Variants in CHD5 observed in about 807,000 individuals in gnomAD.
CHD5 encodes chromodomain helicase DNA binding protein 5.
Under a neutral mutation model 230.3 loss-of-function variants are expected in CHD5, and 69 were observed. That is an observed-to-expected ratio of 0.30 (90% CI 0.25 to 0.37). CHD5 has a LOEUF of 0.37. Ranked by LOEUF, CHD5 falls within the 10% of genes least tolerant of loss-of-function variation. The probability of loss-of-function intolerance (pLI) is 1.00; values close to 1 mark genes in which losing one functional copy is unlikely to be tolerated. For synonymous variants in CHD5, 1,064 were observed against 1,065.9 expected (o/e 1.00, Z 0.03); for missense variants, 1,827 against 2,622.8 (o/e 0.70, Z 6.63).
At chr1:6,124,779 T>G in intron 29 of CHD5, 118 bp from the exon 30 acceptor site, 2 of 729,800 alleles carry the variant, frequency 2.7e-6, no homozygotes, top group Non-Finnish European at 4.5e-6. Context: ...GCCCACCTCC[T>G]AGTCAGGCCT....
chr1:6,126,733 C>T lies in CHD5; in HGVS notation c.3917G>A (p.Arg1306Gln), dbSNP rs1666564176. ...GTTCTCCTCCTGCTTGATGATTTCC[C>T]GCTCCACCTCCTCCTGGGGACGCAG... is the stretch of plus-strand genomic sequence containing the variant. The part of the protein sequence containing the change: ...REEDGVEEVE[R>Q]EIIKQEENVD... The change falls in exon 26 of 42, where the codon CGG becomes CAG. Residue 1306 changes from arginine to glutamine, a missense_variant. By Grantham distance (43) the Arg-to-Gln change is conservative. Transcript: ENST00000262450. The surrounding 1 kb of genome is among the most constrained non-coding windows in gnomAD (Gnocchi z 5.7). 1 of 1,613,490 alleles carries T rather than the reference C, an allele frequency of 6.2e-7. No individual in the cohort carries two copies. Among genetic ancestry groups the T allele is most frequent in the Middle Eastern group, 1.7e-4 (1 of 6,058 alleles).
Position 6,134,804 on chromosome 1 carries a change from C to A in CHD5, c.2926G>T (p.Gly976Cys), listed in dbSNP as rs2100851117. The A allele has an allele frequency of 1.9e-6, 3 of 1,614,128 alleles. No individual in the cohort carries two copies. The highest frequency in any genetic ancestry group is 1.1e-5 in the South Asian group (1 of 91,076). The change falls in exon 19 of 42, where the codon GGC (glycine) becomes TGC (cysteine). Residue 976 changes from glycine to cysteine, a missense_variant. Gly to Cys is a radical substitution (Grantham distance 159). Coordinates refer to ENST00000262450, the MANE Select transcript of CHD5 (RefSeq NM_015557.3). The surrounding 1 kb of genome is among the most constrained non-coding windows in gnomAD (Gnocchi z 6.3). ...RNFEALNSKG[G>C]GNQVSLLNIM... ...TTGAGCAGCGATACTTGGTTCCCGC[C>A]CCCCTTGGAGTTCAGTGCCTCAAAG...
In CHD5 at chr1:6,135,966, A is replaced by G. The variant is rs183149814; in HGVS notation, c.2696+551T>C. ...CGGAGGTTGCAGTGAACTGAGATCA[A>G]GCCACTGCACTCTGGCCTGGGTGAC... On this transcript the variant is annotated intron_variant, in intron 17 of 41. Transcript: ENST00000262450. Among the ~76,000 whole-genome samples the G allele has an allele frequency of 7.2e-3, 1,101 of 152,168 alleles. 14 individuals are homozygous for G. Among genetic ancestry groups the G allele is most frequent in the African/African-American group, 0.025 (1,032 of 41,486 alleles).
At chr1:6,160,194 AGAAGAAGAGCCCTAGCCAGG>A (rs1667149155) in intron 2 of CHD5, among the ~76,000 whole-genome samples, 1 of 85,466 alleles carries the variant, frequency 1.2e-5, no homozygotes, top group Non-Finnish European at 2.1e-5. Flanking sequence ...CCCCAGCCAG[AGAAGAAGAGCCCTAGCCAGG>A]GAAGGGCCCC....
At position 6,146,417 on chromosome 1, in the gene CHD5, G is replaced by C; in HGVS notation, c.1597C>G (p.Leu533Val). The C allele has an allele frequency of 6.2e-7, 1 of 1,613,196 alleles. No homozygotes were observed. The highest frequency in any genetic ancestry group is 8.5e-7 in the Non-Finnish European group (1 of 1,179,466). Residue 533 changes from leucine to valine, a missense_variant, in exon 11 of 42, where the codon CTG becomes GTG. Physicochemically the swap from Leu to Val is conservative, Grantham distance 32. This residue lies in a region of CHD5 where 657 missense variants were observed against 816.4 expected (regional missense o/e 0.80). Coordinates refer to ENST00000262450, the MANE Select transcript of CHD5 (RefSeq NM_015557.3). This position sits in a 1 kb window ranked among gnomAD's most constrained non-coding sequence, Gnocchi z 5.1. Reference protein sequence around the residue: ...CSWVKELQLELYHTVMYRNYQ... With the variant: ...CSWVKELQLEVYHTVMYRNYQ... ...TTGCGATACATCACCGTGTGGTACAGCTCCAGCTGCTCATGGAGCGGCACA... is the reference window on the plus strand; with the variant it reads ...TTGCGATACATCACCGTGTGGTACACCTCCAGCTGCTCATGGAGCGGCACA...
Position 6,134,900 on chromosome 1 carries a change from G to A in CHD5, c.2871-41C>T, listed in dbSNP as rs74051708. 14,383 of 1,611,888 alleles carry A rather than the reference G, an allele frequency of 8.9e-3. 1,023 individuals carry two copies. In the African/African-American group the frequency reaches 0.16, roughly 18 times the overall value. ...AGGAAAGGCAGGCTGGGTCAGACCC[G>A]CCTCCATGAGGGCTCTCTCTGCTCT... On this transcript the variant is annotated intron_variant, in intron 18 of 41. Coordinates refer to ENST00000262450, the MANE Select transcript of CHD5 (RefSeq NM_015557.3). This position sits in a 1 kb window ranked among gnomAD's most constrained non-coding sequence, Gnocchi z 6.3.
At position 6,143,864 on chromosome 1, in the gene CHD5, C is replaced by T; in HGVS notation, c.2002G>A (p.Asp668Asn). Residue 668 changes from aspartate to asparagine, a missense_variant, in exon 13 of 42, where the codon GAC becomes AAC. Physicochemically the swap from Asp to Asn is conservative, Grantham distance 23. This residue lies in a region of CHD5 where 657 missense variants were observed against 816.4 expected (regional missense o/e 0.80). Coordinates refer to ENST00000262450, the MANE Select transcript of CHD5 (RefSeq NM_015557.3). ...RLLKKGKKLR[D>N]DKQEKPPDTP... Reference sequence around the variant, plus strand: ...TCCGGCGGCTTCTCCTGCTTGTCGTCCCTCAGCTTCTTGCCCTTCTTGAGC... The same window carrying T: ...TCCGGCGGCTTCTCCTGCTTGTCGTTCCTCAGCTTCTTGCCCTTCTTGAGC... The T allele has an allele frequency of 6.2e-7, 1 of 1,603,644 alleles. No homozygotes were observed. Among genetic ancestry groups the T allele is most frequent in the Middle Eastern group, 1.8e-4 (1 of 5,638 alleles).
intron 15 of CHD5, among the ~76,000 whole-genome samples, chr1:6,139,523 C>G (rs1666796135): frequency 6.6e-6 from 1 of 151,624 alleles, no homozygotes; most frequent in African/African-American, 2.4e-5. Context: ...AGGGGTGAGC[C>G]ACCGTGCCCG....
intron 25 of CHD5, among the ~76,000 whole-genome samples, chr1:6,127,418 G>C (rs1020031599): frequency 6.6e-6 from 1 of 152,058 alleles, no homozygotes; most frequent in Non-Finnish European, 1.5e-5. Flanking sequence ...CCTGGGAGGC[G>C]TTGGTTGCAG....
intron 9 of CHD5, among the ~76,000 whole-genome samples, chr1:6,148,181 G>C (rs1666940846): frequency 6.6e-6 from 1 of 152,214 alleles, no homozygotes; most frequent in Non-Finnish European, 1.5e-5. Flanking sequence ...CCCAGGACCT[G>C]AGGGGTGGAG....
chr1:6,123,901 A>T, intron 31 of CHD5, 47 bp downstream of exon 31: 1 of 1,367,638 alleles, frequency 7.3e-7, no homozygotes, highest in Non-Finnish European at 9.5e-7. Context: ...TGACCTTGCC[A>T]CTTTCCATGA....
chr1:6,107,430 G>A (rs548267905), intron 38 of CHD5, among the ~76,000 whole-genome samples: 1 of 141,156 alleles, frequency 7.1e-6, no homozygotes, highest in Non-Finnish European at 1.5e-5. Flanking sequence ...GAGGGATGAT[G>A]GAGGAATGAA....
intron 33 of CHD5, among the ~76,000 whole-genome samples, chr1:6,114,160 G>A (rs1232543023): frequency 6.6e-6 from 1 of 152,092 alleles, no homozygotes; most frequent in East Asian, 1.9e-4. Flanking sequence ...GGTTGAGGCA[G>A]GAGAATCGCT....
rs187958800 is a variant in CHD5, at chr1:6,158,730, G to A, written c.387+606C>T. 3.5e-4 allele frequency among the ~76,000 whole-genome samples: 54 copies of A among 152,250 alleles called. No individual in the cohort carries two copies. The East Asian group carries it at 5.6e-3, about 16-fold the overall frequency. ...ATCGCGAGGTCAAGAGATGGAGGCC[G>A]GGCGCGGTGGCTCACACCTGTAATC... On this transcript the variant is annotated intron_variant, in intron 3 of 41. Coordinates refer to ENST00000262450, the MANE Select transcript of CHD5 (RefSeq NM_015557.3).
intron 25 of CHD5, 51 bp downstream of exon 25, chr1:6,127,995 G>A (rs777321404): frequency 6.8e-7 from 1 of 1,468,850 alleles, no homozygotes; most frequent in Non-Finnish European, 9.1e-7. Flanking sequence ...GGGGGGCGGG[G>A]CTGCGGATGG....
intron 33 of CHD5, 62 bp from the exon 34 acceptor site, chr1:6,113,060 G>T: frequency 8.6e-7 from 1 of 1,168,152 alleles, no homozygotes. Flanking sequence ...AGGACTCTGG[G>T]CTCGTGGCTT....
In CHD5 at chr1:6,123,540, C is replaced by T. The variant is rs192063345; in HGVS notation, c.4699+408G>A. On this transcript the variant is annotated intron_variant, in intron 31 of 41. Transcript: ENST00000262450. ...TTCCCAGGTTCAAGCGATTCTCCTG[C>T]CTCAGCCTCCCGAGCAGCCGGGATT... Among the ~76,000 whole-genome samples the T allele has an allele frequency of 1.6e-3, 243 of 152,134 alleles. 2 individuals are homozygous for T. Among genetic ancestry groups the T allele is most frequent in the African/African-American group, 5.7e-3 (237 of 41,516 alleles).
chr1:6,151,061 T>G lies in CHD5; in HGVS notation c.965A>C (p.Lys322Thr). Residue 322 changes from lysine (K) to threonine (T), a missense_variant, in exon 7 of 42, where the codon AAG becomes ACG. This residue lies in a region of CHD5 where 657 missense variants were observed against 816.4 expected (regional missense o/e 0.80). Transcript: ENST00000262450. ...RSECSAALGK[K>T]SKRRRKKKRI... ...CTTCTTCTTGCGCCTCCTCTTGCTC[T>G]TCTTGCCCAGGGCTGCAGAGCATTC... 6.3e-7 allele frequency: 1 copy of G among 1,595,752 alleles called. No homozygotes were observed. Among genetic ancestry groups the G allele is most frequent in the Non-Finnish European group, 8.6e-7 (1 of 1,168,818 alleles).
Position 6,112,993 on chromosome 1 carries a change from C to A in CHD5, c.4918G>T (p.Val1640Leu). 6.2e-7 allele frequency: 1 copy of A among 1,612,624 alleles called. No individual in the cohort carries two copies. The highest frequency in any genetic ancestry group is 8.5e-7 in the Non-Finnish European group (1 of 1,178,804). ...PSPEQLPREE[V>L]LPEKEKILDK... ...AGGATCTTCTCCTTCTCAGGAAGCA[C>A]CTCCTCTGCAAGAAAAAGAGGGTTC... is the stretch of plus-strand genomic sequence containing the variant. Residue 1640 changes from valine (V) to leucine (L), a missense_variant, in exon 34 of 42, where the codon GTG (valine) becomes TTG (leucine). Around this residue, in one of 14 missense-constraint regions of CHD5, gnomAD observed 272 missense variants for 263.2 expected, o/e 1.03. Transcript: ENST00000262450.
Sources: allele counts gnomAD v4.1 joint callset (sites outside exome capture counted in the v4.1 genomes callset), GRCh38; gene constraint gnomAD v4.1.1; regional missense constraint gnomAD v4.1.1; non-coding constraint Gnocchi (gnomAD v3.1); transcripts MANE v1.5; gene names NCBI Gene and HGNC (gene_info 2026-07-23, HGNC 2026-07-21).